Variants in ADGRG4 observed in about 807,000 individuals in gnomAD.
ADGRG4 encodes the protein adhesion G protein-coupled receptor G4.
ADGRG4 carries 122 observed loss-of-function variants against 126.2 expected under a neutral mutation model. That is an observed-to-expected ratio of 0.97 (90% CI 0.83 to 1.12). ADGRG4 has a LOEUF of 1.12. Ranked by LOEUF, ADGRG4 falls within the 50% of genes most tolerant of loss-of-function variation. The probability of loss-of-function intolerance (pLI) is 0.00; values close to 1 mark genes in which losing one functional copy is unlikely to be tolerated. For synonymous variants in ADGRG4, 943 were observed against 838.7 expected (o/e 1.12, Z -2.15); for missense variants, 2,481 against 2,251.8 (o/e 1.10, Z -2.06).
At chrX:136,359,571 G>GTTT in intron 11 of ADGRG4, 116 bp downstream of exon 11, 1 of 509,048 alleles carries the variant, frequency 2.0e-6, no homozygotes, top group East Asian at 4.4e-5. Context: ...TCATCTTTCT[G>GTTT]TTTTTTTTTT....
At chrX:136,321,789 C>T (rs1361737112) in intron 4 of ADGRG4, among the ~76,000 whole-genome samples, 1 of 111,911 alleles carries the variant, frequency 8.9e-6, no homozygotes, top group African/African-American at 3.2e-5. Flanking sequence ...ACCAAAAGAC[C>T]GCACCCAATG....
intron 5 of ADGRG4, among the ~76,000 whole-genome samples, chrX:136,331,719 C>T (rs1258236804): frequency 2.5e-4 from 28 of 111,594 alleles, no homozygotes; most frequent in Non-Finnish European, 3.8e-5. Flanking sequence ...TTCCTGTGTT[C>T]ATCAGTGAAA....
chrX:136,323,488 T>G, intron 5 of ADGRG4, 96 bp downstream of exon 5: 3 of 737,859 alleles, frequency 4.1e-6, no homozygotes, highest in Non-Finnish European at 6.0e-6. Context: ...TTGTCATCAC[T>G]TTTTAATGAG....
intron 7 of ADGRG4, 104 bp downstream of exon 7, chrX:136,351,645 C>A (rs1603295561): frequency 3.0e-6 from 1 of 337,538 alleles, no homozygotes; most frequent in Non-Finnish European, 4.9e-6. Context: ...CTTTTTTCTA[C>A]CAATAATAAA....
intron 5 of ADGRG4, among the ~76,000 whole-genome samples, chrX:136,337,256 G>A (rs1273577631): frequency 8.9e-6 from 1 of 111,804 alleles, no homozygotes; most frequent in African/African-American, 3.2e-5. Context: ...GACATGAGCT[G>A]CCATATCCAG....
Position 136,414,246 on chromosome X carries a change from C to T in ADGRG4, c.9124C>T (p.Leu3042Phe), listed in dbSNP as rs1281204623. 8.3e-7 allele frequency: 1 copy of T among 1,203,156 alleles called. No homozygotes were observed. ...IFEHKLLTPS[L>F]KSTATSSTFK... ...TGAGCACAAACTGTTGACGCCATCT[C>T]TCAAGTCAACTGCAACTAGCTCCAC... The change falls in exon 25 of 26, where the codon CTC (leucine) becomes TTC (phenylalanine). Residue 3042 changes from leucine to phenylalanine, a missense_variant. By Grantham distance (22) the Leu-to-Phe change is conservative. Coordinates refer to ENST00000394143, the MANE Select transcript of ADGRG4 (RefSeq NM_153834.4).
rs771157327 is a variant in ADGRG4, at chrX:136,392,216, T to C, written c.7912-16T>C. Reference sequence around the variant, plus strand: ...AGAAATTTAGGTCCTGAACTCCTCTTTTGTTTCATCTGCAGACCAAAAATG... The same window carrying C: ...AGAAATTTAGGTCCTGAACTCCTCTCTTGTTTCATCTGCAGACCAAAAATG... On this transcript the variant is annotated splice_polypyrimidine_tract_variant and intron_variant, in intron 16 of 25. Transcript: ENST00000394143. The C allele has an allele frequency of 8.7e-7, 1 of 1,146,368 alleles. No individual in the cohort carries two copies. The highest frequency in any genetic ancestry group is 3.1e-5 in the East Asian group (1 of 32,417). The allele number at this position is 1,146,368 out of a possible 1,213,427, so 94.5% of individuals were successfully genotyped here. A position where few individuals can be genotyped will look rare whatever the true frequency, so the allele number is the denominator to read the frequency against.
intron 25 of ADGRG4, among the ~76,000 whole-genome samples, chrX:136,416,140 TTA>T (rs755157896): frequency 3.6e-5 from 4 of 111,997 alleles, no homozygotes; most frequent in Non-Finnish European, 7.5e-5. Context: ...TGTTCACATT[TTA>T]TGTCATCTTC....
chrX:136,403,344 T>C lies in ADGRG4; in HGVS notation c.8654+22T>C, dbSNP rs775445841. The C allele has an allele frequency of 5.3e-6, 6 of 1,130,472 alleles. No individual in the cohort carries two copies. In the South Asian group the frequency reaches 1.1e-4, roughly 21 times the overall value. 93.2% of individuals were successfully genotyped at this position (1,130,472 alleles called of 1,213,427 possible). On this transcript the variant is annotated intron_variant, in intron 22 of 25. Transcript: ENST00000394143. ...CGTTGTAAGTACCAGCATCTCTGTT[T>C]CTCTGGTGGTGGGGCTCTGGCCCAG... is the stretch of plus-strand genomic sequence containing the variant.
intron 23 of ADGRG4, among the ~76,000 whole-genome samples, chrX:136,409,028 G>A (rs1010048097): frequency 1.0e-5 from 1 of 99,203 alleles, no homozygotes; most frequent in Non-Finnish European, 2.0e-5. Context: ...AGTTTTCAGA[G>A]CTCAGAGTTT....
intron 4 of ADGRG4, among the ~76,000 whole-genome samples, chrX:136,313,037 A>G (rs2074783054): frequency 8.9e-6 from 1 of 112,495 alleles, no homozygotes; most frequent in South Asian, 3.7e-4. Flanking sequence ...GATATACCTC[A>G]TATTTTTTTC....
At chrX:136,376,822 C>T (rs187797862) in intron 15 of ADGRG4, among the ~76,000 whole-genome samples, 90 of 111,168 alleles carry the variant, frequency 8.1e-4, no homozygotes, top group African/African-American at 2.7e-3. Context: ...TTACTGAATT[C>T]GTTTATCAGA....
chrX:136,324,285 A>G (rs888366612), intron 5 of ADGRG4, among the ~76,000 whole-genome samples: 2 of 112,245 alleles, frequency 1.8e-5, no homozygotes, highest in African/African-American at 3.2e-5. Flanking sequence ...ACATCTATTC[A>G]TGATTCTTGC....
At chrX:136,408,661 T>G (rs1366068506) in intron 23 of ADGRG4, among the ~76,000 whole-genome samples, 1 of 112,035 alleles carries the variant, frequency 8.9e-6, no homozygotes, top group Non-Finnish European at 1.9e-5. Context: ...CTATTGTGAA[T>G]ATTGTTGCAA....
intron 18 of ADGRG4, among the ~76,000 whole-genome samples, chrX:136,394,301 A>G (rs1262495188): frequency 8.9e-6 from 1 of 111,910 alleles, no homozygotes; most frequent in African/African-American, 3.3e-5. Flanking sequence ...TCTTCACTGG[A>G]AATATCCAGG....
intron 23 of ADGRG4, among the ~76,000 whole-genome samples, chrX:136,407,001 T>G (rs2075416258): frequency 9.0e-6 from 1 of 110,596 alleles, no homozygotes; most frequent in Non-Finnish European, 1.9e-5. Flanking sequence ...CTATTAAAAA[T>G]ATTGGGGGGA....
chrX:136,401,803 AG>A (rs1454082069), intron 21 of ADGRG4, among the ~76,000 whole-genome samples: 1 of 111,870 alleles, frequency 8.9e-6, no homozygotes, highest in Admixed American at 9.4e-5. Context: ...CCCTATTCTA[AG>A]GGGGCAGGGT....
intron 4 of ADGRG4, among the ~76,000 whole-genome samples, chrX:136,317,227 G>A (rs888308525): frequency 8.1e-5 from 9 of 110,964 alleles, no homozygotes; most frequent in African/African-American, 3.0e-4. Context: ...GCGGCCGGGC[G>A]TGGTGTCTCA....
rs745869583 is a variant in ADGRG4 at position 136,350,058 on chromosome X, A to G, written c.6352A>G (p.Arg2118Gly). 3 of 1,209,069 alleles carry G rather than the reference A, an allele frequency of 2.5e-6. No individual in the cohort carries two copies. The highest frequency in any genetic ancestry group is 3.4e-6 in the Non-Finnish European group (3 of 894,726). ...SSRTTITANP[R>G]TVSHPSSFSR... ...CAGAACCACAATAACTGCCAACCCCAGGACTGTGTCTCATCCTTCATCCTT... is the reference window on the plus strand; with the variant it reads ...CAGAACCACAATAACTGCCAACCCCGGGACTGTGTCTCATCCTTCATCCTT... The change falls in exon 6 of 26, where the codon AGG becomes GGG. Residue 2118 changes from arginine (R) to glycine (G), a missense_variant. Arg to Gly is a moderately radical substitution (Grantham distance 125). Coordinates refer to ENST00000394143, the MANE Select transcript of ADGRG4 (RefSeq NM_153834.4).
Sources: allele counts gnomAD v4.1 joint callset (sites outside exome capture counted in the v4.1 genomes callset), GRCh38; gene constraint gnomAD v4.1.1; transcripts MANE v1.5; gene names NCBI Gene and HGNC (gene_info 2026-07-23, HGNC 2026-07-21).